The following PLCB1 variants were observed in gnomAD, a reference collection of about 807,000 sequenced individuals.
PLCB1 encodes 1-phosphatidylinositol 4,5-bisphosphate phosphodiesterase beta-1.
PLCB1 carries 46 observed loss-of-function variants against 161.8 expected under a neutral mutation model. The ratio of observed to expected loss-of-function variants is 0.28; its 90% CI spans 0.22 to 0.36. The LOEUF (loss-of-function observed/expected upper bound fraction) is 0.36. Ranked by LOEUF, PLCB1 falls within the 10% of genes least tolerant of loss-of-function variation. PLCB1 has a pLI of 1.00. For missense variants in PLCB1, 1,016 were observed against 1,472.5 expected (o/e 0.69, Z 5.07); for synonymous variants, 517 against 503.7 (o/e 1.03, Z -0.35).
chr20:8,143,538 A>G (rs1386110205), intron 1 of PLCB1, among the ~76,000 whole-genome samples: 1 of 152,200 alleles, frequency 6.6e-6, no homozygotes, highest in Non-Finnish European at 1.5e-5. Flanking sequence ...TAGAGGTACA[A>G]TTATTTTCAT....
intron 2 of PLCB1, among the ~76,000 whole-genome samples, chr20:8,257,383 T>C (rs1454846077): frequency 6.6e-6 from 1 of 152,116 alleles, no homozygotes; most frequent in Non-Finnish European, 1.5e-5. Flanking sequence ...ACTCATATGG[T>C]AATAATTTTA....
chr20:8,348,257 A>G (rs1415762284), intron 2 of PLCB1, among the ~76,000 whole-genome samples: 2 of 152,192 alleles, frequency 1.3e-5, no homozygotes, highest in African/African-American at 2.4e-5. Flanking sequence ...ACTACAGAAC[A>G]TGCAACTTTT....
At chr20:8,792,677 T>G in intron 31 of PLCB1, 1 of 470,214 alleles carries the variant, frequency 2.1e-6, no homozygotes, top group South Asian at 1.6e-5. Context: ...CCCATGAAGA[T>G]TGTTGGTTCC....
At chr20:8,644,275 G>T (rs571794584) in intron 4 of PLCB1, among the ~76,000 whole-genome samples, 33 of 151,282 alleles carry the variant, frequency 2.2e-4, no homozygotes, top group Middle Eastern at 3.4e-3. Flanking sequence ...GACATGAGGA[G>T]CCCCTCTGCC....
intron 2 of PLCB1, among the ~76,000 whole-genome samples, chr20:8,253,411 C>G (rs189270963): frequency 6.6e-6 from 1 of 151,886 alleles, no homozygotes; most frequent in Non-Finnish European, 1.5e-5. Context: ...ATCCATTGAC[C>G]TACCCATATA....
chr20:8,566,150 A>G (rs1422127859), intron 3 of PLCB1, among the ~76,000 whole-genome samples: 2 of 152,138 alleles, frequency 1.3e-5, no homozygotes, highest in African/African-American at 2.4e-5. Flanking sequence ...ACTATGTGCA[A>G]TTTTACAAAG....
chr20:8,684,240 AT>A (rs970059545), intron 9 of PLCB1, among the ~76,000 whole-genome samples: 13 of 148,362 alleles, frequency 8.8e-5, no homozygotes, highest in South Asian at 6.3e-4. Flanking sequence ...TTATTTATTT[AT>A]TTATTTATTT....
chr20:8,503,251 T>C (rs1983500289), intron 3 of PLCB1, among the ~76,000 whole-genome samples: 1 of 152,180 alleles, frequency 6.6e-6, no homozygotes, highest in African/African-American at 2.4e-5. Flanking sequence ...CAATACAAAG[T>C]ATCCAAGCTC....
chr20:8,294,728 A>G (rs1480310997), intron 2 of PLCB1, among the ~76,000 whole-genome samples: 1 of 151,420 alleles, frequency 6.6e-6, no homozygotes, highest in Non-Finnish European at 1.5e-5. Context: ...AAACAATTTC[A>G]CACAATCCTG....
intron 2 of PLCB1, among the ~76,000 whole-genome samples, chr20:8,365,088 G>A (rs1986664091): frequency 6.6e-6 from 1 of 152,178 alleles, no homozygotes; most frequent in Non-Finnish European, 1.5e-5. Flanking sequence ...AGTACTCGCT[G>A]CTTGCTAAGT....
intron 3 of PLCB1, among the ~76,000 whole-genome samples, chr20:8,455,584 G>A (rs918098190): frequency 2.0e-5 from 3 of 151,418 alleles, no homozygotes; most frequent in South Asian, 2.1e-4. Flanking sequence ...GGGACTACCG[G>A]CACCCGCCAC....
intron 11 of PLCB1, among the ~76,000 whole-genome samples, chr20:8,706,101 T>C (rs1355606384): frequency 6.6e-6 from 1 of 152,246 alleles, no homozygotes; most frequent in Non-Finnish European, 1.5e-5. Context: ...ACAGGTTAGA[T>C]GTCAGCTGTT....
intron 3 of PLCB1, among the ~76,000 whole-genome samples, chr20:8,610,875 T>C (rs985882765): frequency 7.9e-5 from 12 of 152,028 alleles, no homozygotes; most frequent in African/African-American, 2.9e-4. Context: ...TTCAAGTTGA[T>C]TTTTGCATAT....
At position 8,584,713 on chromosome 20, in the gene PLCB1, CAG is replaced by C. The variant is rs1418559356; in HGVS notation, c.247-43578_247-43577del. Among the ~76,000 whole-genome samples, 22 of 151,310 alleles carry C rather than the reference CAG, an allele frequency of 1.5e-4. No homozygotes were observed. In the East Asian group the frequency reaches 3.9e-3, roughly 27 times the overall value. On this transcript the variant is annotated intron_variant, in intron 3 of 31. Coordinates refer to ENST00000338037, the MANE Select transcript of PLCB1 (RefSeq NM_015192.4). ...TCAAGATTCTCTTTTTTTTTTGAGA[CAG>C]AGTCTCGCTCCGTCACCCAGGCTGG...
At chr20:8,188,007 C>T (rs889574549) in intron 2 of PLCB1, among the ~76,000 whole-genome samples, 7 of 152,090 alleles carry the variant, frequency 4.6e-5, no homozygotes, top group African/African-American at 1.7e-4. Flanking sequence ...TTATCTCTAG[C>T]TCTCTCATGC....
chr20:8,223,450 TTC>T (rs1979521905), intron 2 of PLCB1, among the ~76,000 whole-genome samples: 1 of 152,132 alleles, frequency 6.6e-6, no homozygotes, highest in African/African-American at 2.4e-5. Flanking sequence ...TTAGTTTTTT[TTC>T]TCTCTCTCAA....
intron 3 of PLCB1, among the ~76,000 whole-genome samples, chr20:8,451,199 G>A (rs894624797): frequency 6.6e-6 from 1 of 152,082 alleles, no homozygotes; most frequent in African/African-American, 2.4e-5. Context: ...ATGTCACAAA[G>A]TTATTTTCCC....
chr20:8,600,536 GTTACTGC>G (rs1271413925), intron 3 of PLCB1, among the ~76,000 whole-genome samples: 1 of 151,048 alleles, frequency 6.6e-6, no homozygotes, highest in Non-Finnish European at 1.5e-5. Context: ...GTCTGCAGAG[GTTACTGC>G]TGTCTTTTTG....
intron 2 of PLCB1, among the ~76,000 whole-genome samples, chr20:8,155,372 T>C (rs2051548410): frequency 6.6e-6 from 1 of 152,238 alleles, no homozygotes; most frequent in South Asian, 2.1e-4. Context: ...TGAGACACCA[T>C]TCTGGATGTT....
Sources: allele counts gnomAD v4.1 joint callset (sites outside exome capture counted in the v4.1 genomes callset), GRCh38; gene constraint gnomAD v4.1.1; transcripts MANE v1.5; gene names NCBI Gene and HGNC (gene_info 2026-07-23, HGNC 2026-07-21).